Variants in HS6ST3 observed in about 807,000 individuals in gnomAD.
HS6ST3 encodes the protein heparan-sulfate 6-O-sulfotransferase 3.
In HS6ST3, 12 loss-of-function variants were observed where a neutral mutation model predicts 36.7. The observed-to-expected ratio is 0.33, with a 90% confidence interval of 0.21 to 0.53. The LOEUF is 0.53. HS6ST3 is among the 20% of genes least tolerant of loss of function. The pLI, the probability that HS6ST3 is intolerant of heterozygous loss-of-function variation, is 0.95. For synonymous variants in HS6ST3, 240 were observed against 257.5 expected, an observed-to-expected ratio of 0.93 and a Z score of 0.65; for missense variants, 584 against 640.9, an observed-to-expected ratio of 0.91 and a Z score of 0.96.
At chr13:96,140,983 C>T (rs1030873841) in intron 1 of HS6ST3, among the ~76,000 whole-genome samples, 2 of 152,138 alleles carry the variant, frequency 1.3e-5, no homozygotes, top group African/African-American at 4.8e-5. Context: ...TGACAAGTTT[C>T]CAGATTTTCC....
chr13:96,409,523 T>C (rs906423484), intron 1 of HS6ST3, among the ~76,000 whole-genome samples: 8 of 152,162 alleles, frequency 5.3e-5, no homozygotes, highest in Non-Finnish European at 8.8e-5. Flanking sequence ...GAAGTAAACA[T>C]GCAAGAGTTT....
chr13:96,258,384 CA>C (rs1215177122), intron 1 of HS6ST3, among the ~76,000 whole-genome samples: 1 of 152,062 alleles, frequency 6.6e-6, no homozygotes, highest in Non-Finnish European at 1.5e-5. Context: ...ACAAAAACCC[CA>C]AGAAGTCTGA....
intron 1 of HS6ST3, among the ~76,000 whole-genome samples, chr13:96,583,202 T>TTC (rs1449108059): frequency 8.7e-6 from 1 of 114,760 alleles, no homozygotes; most frequent in African/African-American, 3.4e-5. Context: ...TCTTTTTCTT[T>TTC]TCTTTTTTTT....
At chr13:96,758,426 G>A (rs1876886931) in intron 1 of HS6ST3, among the ~76,000 whole-genome samples, 1 of 151,386 alleles carries the variant, frequency 6.6e-6, no homozygotes, top group African/African-American at 2.4e-5. Context: ...CTGAGTTCTG[G>A]CCTTTATTAT....
intron 1 of HS6ST3, chr13:96,574,249 G>C (rs577595551): frequency 2.2e-6 from 1 of 444,562 alleles, no homozygotes; most frequent in Non-Finnish European, 4.5e-6. Flanking sequence ...TGGACTGGGA[G>C]ATAGGGGTCC....
chr13:96,298,117 A>T (rs368460398), intron 1 of HS6ST3, among the ~76,000 whole-genome samples: 2 of 152,184 alleles, frequency 1.3e-5, no homozygotes, highest in East Asian at 1.9e-4. Context: ...CTGGTTAGAT[A>T]TGTTGTATTT....
intron 1 of HS6ST3, among the ~76,000 whole-genome samples, chr13:96,107,297 G>A (rs1420566680): frequency 6.6e-6 from 1 of 152,138 alleles, no homozygotes; most frequent in Non-Finnish European, 1.5e-5. Flanking sequence ...ATGCTGGAGT[G>A]GAGACTATTC....
intron 1 of HS6ST3, among the ~76,000 whole-genome samples, chr13:96,684,309 G>T (rs1296136520): frequency 1.3e-5 from 2 of 151,804 alleles, no homozygotes; most frequent in South Asian, 4.1e-4. Context: ...CTATATTTCT[G>T]CATCTAGAGG....
At chr13:96,650,762 G>T (rs934326734) in intron 1 of HS6ST3, among the ~76,000 whole-genome samples, 1 of 152,172 alleles carries the variant, frequency 6.6e-6, no homozygotes, top group East Asian at 1.9e-4. Flanking sequence ...TGAAAGTCTT[G>T]TGGTCTATAT....
At chr13:96,132,410 C>CT (rs757928866) in intron 1 of HS6ST3, among the ~76,000 whole-genome samples, 3,034 of 144,012 alleles carry the variant, frequency 0.021, 86 homozygotes, top group African/African-American at 0.069. Context: ...TTTTCTTTTT[C>CT]TTTTTTTTTT....
At chr13:96,487,780 A>G (rs901198425) in intron 1 of HS6ST3, among the ~76,000 whole-genome samples, 1 of 152,160 alleles carries the variant, frequency 6.6e-6, no homozygotes, top group African/African-American at 2.4e-5. Flanking sequence ...TTGGCTTATC[A>G]TCCCTTTTTA....
intron 1 of HS6ST3, among the ~76,000 whole-genome samples, chr13:96,674,336 C>T (rs1015425038): frequency 2.6e-5 from 4 of 152,148 alleles, no homozygotes; most frequent in East Asian, 1.9e-4. Flanking sequence ...CCAATTAAAC[C>T]TCTTTTCTTT....
intron 1 of HS6ST3, among the ~76,000 whole-genome samples, chr13:96,799,970 A>ATATATATATATGTATATATATATATATG (rs1566456802): frequency 2.2e-5 from 2 of 92,632 alleles, no homozygotes; most frequent in Non-Finnish European, 4.1e-5. Flanking sequence ...ATATGTGTAT[A>ATATATATATATGTATATATATATATATG]TATATATATA....
At chr13:96,279,345 C>T (rs962069228) in intron 1 of HS6ST3, among the ~76,000 whole-genome samples, 48 of 152,046 alleles carry the variant, frequency 3.2e-4, no homozygotes, top group African/African-American at 1.1e-3. Context: ...ACATACTATA[C>T]GCTGGGTACG....
intron 1 of HS6ST3, among the ~76,000 whole-genome samples, chr13:96,213,285 C>A (rs1299802808): frequency 6.6e-6 from 1 of 152,220 alleles, no homozygotes; most frequent in Admixed American, 6.5e-5. Flanking sequence ...TTGGACTGTG[C>A]CACTGTGGTG....
chr13:96,354,215 T>A (rs1033501107), intron 1 of HS6ST3, among the ~76,000 whole-genome samples: 9 of 152,226 alleles, frequency 5.9e-5, no homozygotes, highest in Non-Finnish European at 8.8e-5. Context: ...GACAGGGATA[T>A]GCTGATATGA....
intron 1 of HS6ST3, among the ~76,000 whole-genome samples, chr13:96,705,136 C>A (rs1479506261): frequency 6.6e-6 from 1 of 152,072 alleles, no homozygotes; most frequent in Admixed American, 6.6e-5. Flanking sequence ...TGTTATCACC[C>A]AAAGTCCATC....
At chr13:96,179,384 A>G (rs2054228474) in intron 1 of HS6ST3, among the ~76,000 whole-genome samples, 2 of 152,184 alleles carry the variant, frequency 1.3e-5, no homozygotes, top group Non-Finnish European at 2.9e-5. Flanking sequence ...AACCAGCATT[A>G]TCTTTATAAT....
At chr13:96,620,863 T>A (rs1158252891) in intron 1 of HS6ST3, among the ~76,000 whole-genome samples, 2 of 151,920 alleles carry the variant, frequency 1.3e-5, no homozygotes, top group African/African-American at 2.4e-5. Context: ...TAGGAAATCT[T>A]GATGCCACCT....
Sources: gnomAD v4.1 joint callset for allele counts (sites outside exome capture counted in the v4.1 genomes callset) on GRCh38, gnomAD v4.1.1 for gene constraint, MANE v1.5 for transcripts, NCBI Gene and HGNC (gene_info 2026-07-23, HGNC 2026-07-21) for gene names.